Variants in SHISA6 observed in about 807,000 individuals in gnomAD.
The protein encoded by SHISA6 is protein shisa-6.
SHISA6 carries 22 observed loss-of-function variants against 47.9 expected under a neutral mutation model. The ratio of observed to expected loss-of-function variants is 0.46; its 90% CI spans 0.33 to 0.66. The LOEUF is 0.66. Among genes scored for constraint, SHISA6 ranks in the 30% least tolerant of loss-of-function variants. The pLI, the probability that SHISA6 is intolerant of heterozygous loss-of-function variation, is 0.02. For synonymous variants in SHISA6, 388 were observed against 337.8 expected, an observed-to-expected ratio of 1.15 and a Z score of -1.63; for missense variants, 680 against 764.6, an observed-to-expected ratio of 0.89 and a Z score of 1.30.
rs1907343514 is a variant in SHISA6, at chr17:11,241,678, A to C, written c.256A>C (p.Ser86Arg). 3 of 1,473,520 alleles carry C rather than the reference A, an allele frequency of 2.0e-6. No homozygotes were observed. The highest frequency in any genetic ancestry group is 1.5e-5 in the African/African-American group (1 of 68,806). 91.3% of individuals were successfully genotyped at this position (1,473,520 alleles called of 1,614,324 possible). The change falls in exon 1 of 6, where the codon AGC (serine) becomes CGC (arginine). Residue 86 changes from serine (S) to arginine (R), a missense_variant. Ser to Arg is a moderately radical substitution (Grantham distance 110, BLOSUM62 -1). Coordinates refer to ENST00000441885, the MANE Select transcript of SHISA6 (RefSeq NM_207386.4). This position sits in a 1 kb window ranked among gnomAD's most constrained non-coding sequence, Gnocchi z 5.5. ...QPAAAVAAAA[S>R]AAVTYETCWG... ...CGCGGCGGCTGTGGCGGCGGCGGCC[A>C]GCGCGGCCGTCACCTACGAGACGTG...
chr17:11,270,394 C>T (rs1003752817), intron 2 of SHISA6, among the ~76,000 whole-genome samples: 4 of 152,212 alleles, frequency 2.6e-5, no homozygotes, highest in Non-Finnish European at 5.9e-5. Flanking sequence ...CAGGAAGACA[C>T]CCTCCTATAG....
intron 2 of SHISA6, among the ~76,000 whole-genome samples, chr17:11,296,308 A>T (rs1909749992): frequency 6.6e-6 from 1 of 152,186 alleles, no homozygotes; most frequent in African/African-American, 2.4e-5. Context: ...AGTTAAGATT[A>T]TAAGAGTAGT....
At chr17:11,335,764 C>T (rs1256798452) in intron 2 of SHISA6, among the ~76,000 whole-genome samples, 2 of 152,178 alleles carry the variant, frequency 1.3e-5, no homozygotes, top group African/African-American at 2.4e-5. Flanking sequence ...TGCCACTACT[C>T]ATTGGCCGGG....
intron 2 of SHISA6, among the ~76,000 whole-genome samples, chr17:11,366,254 C>A (rs2142233854): frequency 6.6e-6 from 1 of 152,318 alleles, no homozygotes. Flanking sequence ...CTCAGGTGAT[C>A]CTCCCACCTA....
At chr17:11,528,255 T>C (rs1300776135) in intron 3 of SHISA6, among the ~76,000 whole-genome samples, 1 of 152,144 alleles carries the variant, frequency 6.6e-6, no homozygotes, top group Non-Finnish European at 1.5e-5. Flanking sequence ...ACAGCTAATA[T>C]TTTCTAAGGT....
At chr17:11,293,012 A>G (rs1909607703) in intron 2 of SHISA6, among the ~76,000 whole-genome samples, 1 of 151,612 alleles carries the variant, frequency 6.6e-6, no homozygotes. Flanking sequence ...TTTAGTAGAG[A>G]CGGGGTTTCT....
At chr17:11,509,776 C>T (rs1336031257) in intron 3 of SHISA6, among the ~76,000 whole-genome samples, 1 of 152,176 alleles carries the variant, frequency 6.6e-6, no homozygotes, top group Non-Finnish European at 1.5e-5. Flanking sequence ...AGAGAGAAAG[C>T]AAGCTAAGGT....
intron 2 of SHISA6, among the ~76,000 whole-genome samples, chr17:11,321,839 A>G (rs1910726624): frequency 6.6e-6 from 1 of 152,136 alleles, no homozygotes; most frequent in East Asian, 1.9e-4. Flanking sequence ...ACAAATTCCT[A>G]AACTGTCTTA....
intron 2 of SHISA6, among the ~76,000 whole-genome samples, chr17:11,273,917 C>T (rs1908777627): frequency 2.1e-3 from 2 of 942 alleles, no homozygotes; most frequent in African/African-American, 2.4e-3. Context: ...CGAGGAAGCG[C>T]ATCATTTTAT....
At chr17:11,454,377 T>C (rs1415825202) in intron 3 of SHISA6, among the ~76,000 whole-genome samples, 2 of 152,334 alleles carry the variant, frequency 1.3e-5, no homozygotes, top group East Asian at 3.9e-4. Context: ...TCCTACAGCC[T>C]GTTCTCCACA....
chr17:11,557,944 G>C lies in SHISA6; in HGVS notation c.1296G>C (p.Glu432Asp), dbSNP rs538524734. The C allele has an allele frequency of 6.4e-6, 10 of 1,551,576 alleles. 1 individual carries two copies. The African/African-American group carries it at 9.6e-5, about 15-fold the overall frequency. The change falls in exon 6 of 6, where the codon GAG (glutamate) becomes GAC (aspartate). Residue 432 changes from glutamate to aspartate, a missense_variant. By Grantham distance (45) the Glu-to-Asp change is conservative. This residue lies in a region of SHISA6 where 559 missense variants were observed against 674.1 expected (regional missense o/e 0.83). Transcript: ENST00000441885. ...CCCCGGATCGGGGCCTGCCAGATGA[G>C]TTCAGCATGCCCTACGACCGCATCC... The part of the protein sequence containing the change: ...VLSPDRGLPD[E>D]FSMPYDRILS...
intron 1 of SHISA6, among the ~76,000 whole-genome samples, chr17:11,249,137 CAAAA>C (rs139559354): frequency 1.7e-5 from 1 of 60,512 alleles, no homozygotes. Flanking sequence ...GACTCCGTCT[CAAAA>C]AAAAAAAAAA....
chr17:11,553,749 A>T (rs1202988762), intron 4 of SHISA6, among the ~76,000 whole-genome samples: 1 of 152,062 alleles, frequency 6.6e-6, no homozygotes, highest in African/African-American at 2.4e-5. Context: ...TGTCAAGGAG[A>T]TTGCAATATT....
intron 3 of SHISA6, among the ~76,000 whole-genome samples, chr17:11,396,509 T>C (rs997016406): frequency 2.0e-5 from 3 of 152,200 alleles, no homozygotes; most frequent in Non-Finnish European, 4.4e-5. Context: ...TACCCAGTAA[T>C]GGGATTGCTG....
At chr17:11,415,399 G>A (rs530584773) in intron 3 of SHISA6, among the ~76,000 whole-genome samples, 2 of 152,196 alleles carry the variant, frequency 1.3e-5, no homozygotes, top group South Asian at 4.1e-4. Context: ...ATAATCCATG[G>A]TGTGAAAGTA....
chr17:11,369,783 G>T (rs1002168473), intron 2 of SHISA6, among the ~76,000 whole-genome samples: 1 of 152,338 alleles, frequency 6.6e-6, no homozygotes, highest in South Asian at 2.1e-4. Flanking sequence ...TCAGAGACAA[G>T]AATTTGGTTA....
rs563356602 is a variant in SHISA6, at chr17:11,260,326, G to A, written c.639-3040G>A. ...TCAGATATTGCAGCAAAAAGGGCTC[G>A]CTGTGGGTGGGGGATGGTTGGAAGG... is the stretch of plus-strand genomic sequence containing the variant. On this transcript the variant is annotated intron_variant, in intron 1 of 5. Coordinates refer to ENST00000441885, the MANE Select transcript of SHISA6 (RefSeq NM_207386.4). Among the ~76,000 whole-genome samples the A allele has an allele frequency of 3.9e-5, 6 of 152,172 alleles. No individual in the cohort carries two copies. In the South Asian group the frequency reaches 1.2e-3, roughly 32 times the overall value.
chr17:11,275,483 C>G (rs1908855038), intron 2 of SHISA6, among the ~76,000 whole-genome samples: 4 of 152,096 alleles, frequency 2.6e-5, no homozygotes, highest in African/African-American at 9.7e-5. Flanking sequence ...TGTCAAGCGT[C>G]AGCAATACAG....
At chr17:11,265,140 G>C (rs1048225872) in intron 2 of SHISA6, among the ~76,000 whole-genome samples, 4 of 152,222 alleles carry the variant, frequency 2.6e-5, no homozygotes, top group African/African-American at 9.6e-5. Context: ...TCTTAAAATT[G>C]CTGATGCCTG....
Sources: gnomAD v4.1 joint callset for allele counts (sites outside exome capture counted in the v4.1 genomes callset) on GRCh38, gnomAD v4.1.1 for gene constraint, gnomAD v4.1.1 regional missense constraint, Gnocchi (gnomAD v3.1) non-coding constraint, MANE v1.5 for transcripts, NCBI Gene and HGNC (gene_info 2026-07-23, HGNC 2026-07-21) for gene names.